SGCZ: variants seen among roughly 807,000 people sequenced by gnomAD.
SGCZ encodes sarcoglycan zeta, also known as zeta-sarcoglycan.
SGCZ carries 40 observed loss-of-function variants against 41.3 expected under a neutral mutation model. The ratio of observed to expected loss-of-function variants is 0.97; its 90% CI spans 0.75 to 1.26. The LOEUF (loss-of-function observed/expected upper bound fraction) is 1.26, where lower values mean the gene tolerates loss of function less well. SGCZ is among the 50% of genes most tolerant of loss of function. The pLI is 0.00. For synonymous variants in SGCZ, 206 were observed against 137.5 expected (o/e 1.50, Z -3.49); for missense variants, 552 against 369.8 (o/e 1.49, Z -4.04).
intron 1 of SGCZ, among the ~76,000 whole-genome samples, chr8:14,810,982 T>G (rs1393135442): frequency 6.6e-6 from 1 of 152,064 alleles, no homozygotes; most frequent in Non-Finnish European, 1.5e-5. Context: ...CATTTGGAAT[T>G]AAATTTTGAT....
At chr8:15,176,097 C>T (rs6530841) in intron 1 of SGCZ, among the ~76,000 whole-genome samples, 67,384 of 151,948 alleles carry the variant, frequency 0.44, 16,419 homozygotes, top group East Asian at 0.63. Context: ...TTTCAAAATA[C>T]CCACATTATA....
intron 2 of SGCZ, among the ~76,000 whole-genome samples, chr8:14,383,073 C>T (rs1313372845): frequency 6.6e-6 from 1 of 152,160 alleles, no homozygotes. Context: ...AAAATTGTCC[C>T]CAATCATAAG....
chr8:14,364,656 C>T (rs1439190671), intron 2 of SGCZ, among the ~76,000 whole-genome samples: 8 of 152,020 alleles, frequency 5.3e-5, no homozygotes, highest in Non-Finnish European at 1.2e-4. Context: ...TTAAGTTTTC[C>T]TTATATAAAT....
chr8:14,453,030 G>C (rs111544068), intron 2 of SGCZ, among the ~76,000 whole-genome samples: 21,743 of 152,026 alleles, frequency 0.14, 1,727 homozygotes, highest in African/African-American at 0.22. Context: ...TTGAACCCAG[G>C]AGGCAGAGGC....
intron 1 of SGCZ, among the ~76,000 whole-genome samples, chr8:15,095,438 T>C (rs1378538695): frequency 6.6e-6 from 1 of 152,202 alleles, no homozygotes; most frequent in East Asian, 1.9e-4. Context: ...ATCTATGCAT[T>C]TCAGATGCAT....
intron 1 of SGCZ, among the ~76,000 whole-genome samples, chr8:15,083,673 A>G (rs1805841600): frequency 6.6e-6 from 1 of 152,130 alleles, no homozygotes; most frequent in Admixed American, 6.5e-5. Flanking sequence ...CTCAGCCTCC[A>G]GAGTAGCTGA....
In SGCZ at chr8:14,333,852, T is replaced by A. The variant is rs1351743622; in HGVS notation, c.235-9648A>T. ...TGGAGTTATATTTTTTAGCATGGAGTCTCAAAAATAGGTGATTAAGGAGTT... is the reference window on the plus strand; with the variant it reads ...TGGAGTTATATTTTTTAGCATGGAGACTCAAAAATAGGTGATTAAGGAGTT... On this transcript the variant is annotated intron_variant, in intron 2 of 7. Transcript: ENST00000382080. Among the ~76,000 whole-genome samples the A allele has an allele frequency of 1.3e-5, 2 of 151,990 alleles. 1 individual carries two copies. The highest frequency in any genetic ancestry group is 1.3e-4 in the Admixed American group (2 of 15,254).
At chr8:14,858,885 A>C (rs1803630113) in intron 1 of SGCZ, among the ~76,000 whole-genome samples, 1 of 152,182 alleles carries the variant, frequency 6.6e-6, no homozygotes, top group Non-Finnish European at 1.5e-5. Context: ...TGGTAGGTGC[A>C]AATTTACCAA....
chr8:14,721,443 T>G (rs1324003973), intron 1 of SGCZ, among the ~76,000 whole-genome samples: 2 of 152,188 alleles, frequency 1.3e-5, no homozygotes, highest in South Asian at 2.1e-4. Context: ...ACCATGCCAG[T>G]AAAGGCAACT....
At chr8:14,385,583 G>A (rs971090998) in intron 2 of SGCZ, among the ~76,000 whole-genome samples, 13 of 152,124 alleles carry the variant, frequency 8.5e-5, no homozygotes, top group Non-Finnish European at 1.8e-4. Context: ...CGAAACCAAG[G>A]CTAAGTCATT....
At chr8:14,803,158 A>G (rs1801383309) in intron 1 of SGCZ, among the ~76,000 whole-genome samples, 1 of 152,194 alleles carries the variant, frequency 6.6e-6, no homozygotes, top group Non-Finnish European at 1.5e-5. Context: ...AATATTGCAT[A>G]TGAATCATTT....
At chr8:15,155,491 A>C (rs35761763) in intron 1 of SGCZ, among the ~76,000 whole-genome samples, 32,250 of 152,038 alleles carry the variant, frequency 0.21, 3,794 homozygotes, top group East Asian at 0.47. Context: ...GTATTCTAGA[A>C]AATATTAAAG....
intron 1 of SGCZ, among the ~76,000 whole-genome samples, chr8:14,941,280 G>A (rs1800267152): frequency 6.6e-6 from 1 of 152,088 alleles, no homozygotes; most frequent in Non-Finnish European, 1.5e-5. Context: ...AAGCAGTAGT[G>A]TCAAAGCATC....
chr8:14,932,222 A>G (rs1799941398), intron 1 of SGCZ, among the ~76,000 whole-genome samples: 1 of 152,034 alleles, frequency 6.6e-6, no homozygotes, highest in Non-Finnish European at 1.5e-5. Context: ...TTAACAAATT[A>G]TAAAGGTTAA....
intron 1 of SGCZ, among the ~76,000 whole-genome samples, chr8:15,194,891 G>T (rs552461265): frequency 4.6e-5 from 7 of 152,288 alleles, no homozygotes; most frequent in African/African-American, 1.4e-4. Context: ...TTAAGTTTGT[G>T]ATAGTTTCCT....
chr8:14,227,698 G>A (rs949208172), intron 4 of SGCZ, among the ~76,000 whole-genome samples: 2 of 152,018 alleles, frequency 1.3e-5, no homozygotes, highest in African/African-American at 4.8e-5. Flanking sequence ...TGAAATATAT[G>A]TTGTCAGGAG....
At chr8:14,555,471 T>C (rs1436944199) in intron 1 of SGCZ, among the ~76,000 whole-genome samples, 1 of 152,028 alleles carries the variant, frequency 6.6e-6, no homozygotes, top group African/African-American at 2.4e-5. Context: ...ATATAAGACG[T>C]GTCTGTTTCC....
chr8:14,415,906 C>A (rs1296173319), intron 2 of SGCZ, among the ~76,000 whole-genome samples: 1 of 151,912 alleles, frequency 6.6e-6, no homozygotes, highest in East Asian at 1.9e-4. Context: ...TCATCTTTTT[C>A]TGACCTCCTT....
intron 1 of SGCZ, among the ~76,000 whole-genome samples, chr8:14,706,968 CATTT>C (rs1809350887): frequency 6.8e-6 from 1 of 147,268 alleles, no homozygotes; most frequent in Non-Finnish European, 1.5e-5. Flanking sequence ...TTTATGTTGT[CATTT>C]AGTCAATTCT....
Sources: allele counts gnomAD v4.1 joint callset (sites outside exome capture counted in the v4.1 genomes callset), GRCh38; gene constraint gnomAD v4.1.1; transcripts MANE v1.5; gene names NCBI Gene and HGNC (gene_info 2026-07-23, HGNC 2026-07-21).